The following ACP3 variants were observed in gnomAD, a reference collection of about 807,000 sequenced individuals.
The protein encoded by ACP3 is prostatic acid phosphatase.
A neutral mutation model predicts 45.6 loss-of-function variants in ACP3; 38 were observed. That is an observed-to-expected ratio of 0.83 (90% CI 0.64 to 1.09). The LOEUF (loss-of-function observed/expected upper bound fraction) is 1.09, where lower values mean the gene tolerates loss of function less well. Ranked by LOEUF, ACP3 falls within the 50% of genes least tolerant of loss-of-function variation. The probability of loss-of-function intolerance (pLI) is 0.00; values close to 1 mark genes in which losing one functional copy is unlikely to be tolerated. For synonymous variants in ACP3, 162 were observed against 164.7 expected, an observed-to-expected ratio of 0.98 and a Z score of 0.13; for missense variants, 466 against 463.2, an observed-to-expected ratio of 1.01 and a Z score of -0.05.
Position 132,358,388 on chromosome 3 carries a change from A to G in ACP3, c.*1510A>G. On this transcript the variant is annotated 3_prime_UTR_variant, in exon 10 of 10. Coordinates refer to ENST00000336375, the MANE Select transcript of ACP3 (RefSeq NM_001099.5). The stretch of plus-strand genomic sequence containing the variant: ...GAATGTGTAAGTCTTTAATGCCGAT[A>G]TCTTCAGAAAACCTAAGCAAACTTA... 2.4e-6 allele frequency: 3 copies of G among 1,240,672 alleles called. No homozygotes were observed. Among genetic ancestry groups the G allele is most frequent in the Non-Finnish European group, 3.1e-6 (3 of 957,640 alleles). The allele number at this position is 1,240,672 out of a possible 1,614,324, so 76.9% of individuals were successfully genotyped here. A position where few individuals can be genotyped will look rare whatever the true frequency, so the allele number is the denominator to read the frequency against.
chr3:132,324,650 T>C (rs1052420151), intron 1 of ACP3, among the ~76,000 whole-genome samples: 2 of 152,152 alleles, frequency 1.3e-5, no homozygotes, highest in South Asian at 2.1e-4. Context: ...TTTATTTTTA[T>C]TTATTTATTT....
intron 2 of ACP3, 117 bp downstream of exon 2, chr3:132,328,479 G>A: frequency 1.4e-6 from 1 of 707,406 alleles, no homozygotes; most frequent in Non-Finnish European, 2.3e-6. Flanking sequence ...AGGAGTTCGA[G>A]ACCAGCCTGG....
chr3:132,324,993 C>T (rs1188383070), intron 1 of ACP3, among the ~76,000 whole-genome samples: 1 of 152,146 alleles, frequency 6.6e-6, no homozygotes, highest in Non-Finnish European at 1.5e-5. Context: ...ACTACTACTG[C>T]AAAAATCCTA....
At chr3:132,320,943 G>A (rs1159107244) in intron 1 of ACP3, among the ~76,000 whole-genome samples, 1 of 152,104 alleles carries the variant, frequency 6.6e-6, no homozygotes. Context: ...GAGCCACTGC[G>A]CCTGGCATAA....
rs759069721 is a variant in ACP3 at position 132,328,333 on chromosome 3, T to C, written c.187T>C (p.Trp63Arg). Residue 63 changes from tryptophan to arginine, a missense_variant, in exon 2 of 10, where the codon TGG (tryptophan) becomes CGG (arginine). Trp to Arg is a moderately radical substitution (Grantham distance 101). Transcript: ENST00000336375. Reference protein sequence around the residue: ...FPTDPIKESSWPQGFGQLTQL... With the variant: ...FPTDPIKESSRPQGFGQLTQL... ...CACTGACCCCATAAAGGAATCCTCATGGCCACAAGGATTTGGCCAACTCAC... is the reference window on the plus strand; with the variant it reads ...CACTGACCCCATAAAGGAATCCTCACGGCCACAAGGATTTGGCCAACTCAC... 1.2e-6 allele frequency: 2 copies of C among 1,613,882 alleles called. No homozygotes were observed. Among genetic ancestry groups the C allele is most frequent in the East Asian group, 2.2e-5 (1 of 44,866 alleles).
rs982861019 is a variant in ACP3, at chr3:132,357,720, G to A, written c.*842G>A. ...ATGGAGTTTCTCTAGAAGCTCCAGT[G>A]ATAAGAGATGTTGACTCTAAAGTTG... On this transcript the variant is annotated 3_prime_UTR_variant, in exon 10 of 10. Transcript: ENST00000336375. 1.8e-4 allele frequency: 177 copies of A among 985,332 alleles called. 3 individuals are homozygous for A. The South Asian group carries it at 3.6e-3, about 20-fold the overall frequency. The allele number at this position is 985,332 out of a possible 1,614,324, so 61.0% of individuals were successfully genotyped here.
At chr3:132,338,482 T>C (rs1937520084) in intron 5 of ACP3, among the ~76,000 whole-genome samples, 1 of 152,222 alleles carries the variant, frequency 6.6e-6, no homozygotes, top group Admixed American at 6.5e-5. Context: ...CATGTATGAA[T>C]AACTTGTGCA....
intron 6 of ACP3, among the ~76,000 whole-genome samples, chr3:132,344,437 A>C (rs1142140): frequency 0.48 from 72,007 of 150,184 alleles, 17,916 homozygotes; most frequent in Middle Eastern, 0.66. Flanking sequence ...GAGCAAGACA[A>C]TGTCTCTGAA....
intron 1 of ACP3, among the ~76,000 whole-genome samples, chr3:132,322,300 T>A (rs1937221371): frequency 6.6e-6 from 1 of 152,088 alleles, no homozygotes; most frequent in Admixed American, 6.6e-5. Context: ...TCACGGGGAG[T>A]ACAGAACATA....
intron 5 of ACP3, 70 bp from the exon 6 acceptor site, chr3:132,342,482 C>T: frequency 9.0e-7 from 1 of 1,107,194 alleles, no homozygotes; most frequent in Non-Finnish European, 1.4e-6. Context: ...AATTGTCTGG[C>T]CCAAAATATC....
At position 132,364,841 on chromosome 3, in the gene ACP3, A is replaced by C. The variant is rs369849547; in HGVS notation, c.1139-2863A>C. Among the ~76,000 whole-genome samples the C allele has an allele frequency of 2.6e-5, 4 of 152,170 alleles. No homozygotes were observed. In the East Asian group the frequency reaches 7.7e-4, roughly 29 times the overall value. On this transcript the variant is annotated intron_variant, in intron 10 of 10. Coordinates refer to the ACP3 transcript ENST00000351273. Reference sequence around the variant, plus strand: ...ACACAGCCCATAAAAATAACTGAAAATAAATTTCTAAATACAGAGTCAGCC... The same window carrying C: ...ACACAGCCCATAAAAATAACTGAAACTAAATTTCTAAATACAGAGTCAGCC...
chr3:132,352,458 A>G (rs1937771289), intron 8 of ACP3, among the ~76,000 whole-genome samples: 1 of 151,560 alleles, frequency 6.6e-6, no homozygotes, highest in African/African-American at 2.4e-5. Flanking sequence ...TCGGGCTCCC[A>G]AAGTGCTGGG....
In ACP3 at chr3:132,367,702, A is replaced by G; in HGVS notation, c.1139-2A>G. The G allele has an allele frequency of 6.3e-7, 1 of 1,594,812 alleles. No individual in the cohort carries two copies. Among genetic ancestry groups the G allele is most frequent in the South Asian group, 1.1e-5 (1 of 90,514 alleles). ...ATTAATACTTTTCCTATTTTCCCAC[A>G]GTTCTAAAGGTCATCTTTGCTGTTG... On this transcript the variant is annotated splice_acceptor_variant, in intron 10 of 10. Coordinates refer to the ACP3 transcript ENST00000351273. LOFTEE classifies it high-confidence loss of function.
intron 5 of ACP3, among the ~76,000 whole-genome samples, chr3:132,340,926 C>T (rs990066487): frequency 1.3e-5 from 2 of 152,058 alleles, no homozygotes; most frequent in African/African-American, 4.8e-5. Flanking sequence ...TTAGTATTTT[C>T]ATTAGGATCA....
At chr3:132,341,218 AT>A (rs1272087987) in intron 5 of ACP3, among the ~76,000 whole-genome samples, 2 of 152,038 alleles carry the variant, frequency 1.3e-5, no homozygotes, top group Admixed American at 6.6e-5. Flanking sequence ...CTTATTTCTG[AT>A]TTTAGAGGAG....
At chr3:132,359,687 C>A (rs1345743857), downstream of ACP3, among the ~76,000 whole-genome samples, 3 of 152,100 alleles carry the variant, frequency 2.0e-5, no homozygotes, top group Admixed American at 6.6e-5. Flanking sequence ...TTGCAGAATT[C>A]TTTCCCTCAA....
Position 132,352,757 on chromosome 3 carries a change from AT to A in ACP3, c.903del (p.Asp301GlufsTer15). The A allele has an allele frequency of 6.2e-7, 1 of 1,613,952 alleles. No homozygotes were observed. ...TTVSGLQMAL[D>X]VYNGLLPPYA... ...GTGAGTGGCCTACAGATGGCGCTAG[AT>A]GTTTACAACGGACTCCTTCCTCCCT... On this transcript the variant is annotated frameshift_variant, in exon 9 of 10. Coordinates refer to ENST00000336375, the MANE Select transcript of ACP3 (RefSeq NM_001099.5). LOFTEE classifies it high-confidence loss of function.
chr3:132,338,118 G>A (rs114745020), intron 5 of ACP3, among the ~76,000 whole-genome samples: 13 of 152,198 alleles, frequency 8.5e-5, no homozygotes, highest in Non-Finnish European at 1.8e-4. Flanking sequence ...AGTCTTTTAT[G>A]TGTTTATTTT....
At chr3:132,337,063 GGTGTGTGTGTGTGTGT>G (rs113543420) in intron 4 of ACP3, among the ~76,000 whole-genome samples, 1 of 144,894 alleles carries the variant, frequency 6.9e-6, no homozygotes, top group Non-Finnish European at 1.5e-5. Flanking sequence ...CATGCGTTGG[GGTGTGTGTGTGTGTGT>G]GTGTGTGTGT....
Sources: allele counts gnomAD v4.1 joint callset (sites outside exome capture counted in the v4.1 genomes callset), GRCh38; gene constraint gnomAD v4.1.1; transcripts MANE v1.5; gene names NCBI Gene and HGNC (gene_info 2026-07-23, HGNC 2026-07-21).